Variants in LOC122539214 observed in about 807,000 individuals in gnomAD.
the LOC122539214 span, chr19:52,655,002 A>G: frequency 6.5e-6 from 1 of 152,770 alleles, no homozygotes; most frequent in African/African-American, 2.4e-5. Context: ...CCTGGCCAAC[A>G]TGGTGATTCC....
At chr19:52,679,669 T>A in the LOC122539214 span, among the ~76,000 whole-genome samples, 355 of 152,288 alleles carry the variant, frequency 2.3e-3, 1 homozygote, top group African/African-American at 8.0e-3. Flanking sequence ...GTCAGTGTGA[T>A]GCTTTCTATC....
the LOC122539214 span, chr19:52,655,584 T>G: frequency 2.7e-6 from 4 of 1,502,642 alleles, no homozygotes; most frequent in East Asian, 2.3e-5. Context: ...GTTCCTGTAG[T>G]TCTCCAACAT....
chr19:52,658,287 G>A, the LOC122539214 span, among the ~76,000 whole-genome samples: 11 of 152,148 alleles, frequency 7.2e-5, no homozygotes, highest in South Asian at 2.1e-3. Flanking sequence ...GCTCATGCCT[G>A]TAATTTCAGC....
the LOC122539214 span, chr19:52,652,301 T>G: frequency 4.1e-6 from 1 of 242,960 alleles, no homozygotes; most frequent in South Asian, 4.6e-5. Context: ...CCAGGCTTGG[T>G]GGAGCATGCT....
chr19:52,652,030 C>A, the LOC122539214 span: 1 of 211,938 alleles, frequency 4.7e-6, no homozygotes, highest in South Asian at 8.4e-5. Flanking sequence ...AATGAATTTT[C>A]TACTGTTCTG....
At chr19:52,656,269 C>T in the LOC122539214 span, among the ~76,000 whole-genome samples, 1 of 151,876 alleles carries the variant, frequency 6.6e-6, no homozygotes, top group East Asian at 1.9e-4. Context: ...CACCTATAAT[C>T]CTGTCACTTT....
the LOC122539214 span, among the ~76,000 whole-genome samples, chr19:52,657,730 TCA>T: frequency 2.0e-5 from 3 of 151,462 alleles, no homozygotes; most frequent in African/African-American, 4.9e-5. Context: ...GCTTGTAATC[TCA>T]GTTACTTAGG....
chr19:52,687,573 AAATT>A, the LOC122539214 span, among the ~76,000 whole-genome samples: 13 of 36,004 alleles, frequency 3.6e-4, no homozygotes, highest in African/African-American at 1.4e-3. Context: ...ATATATATAT[AAATT>A]TTATATATAT....
the LOC122539214 span, among the ~76,000 whole-genome samples, chr19:52,666,391 C>T: frequency 6.6e-6 from 1 of 151,844 alleles, no homozygotes; most frequent in South Asian, 2.1e-4. Flanking sequence ...TATAACACTC[C>T]AATACCACCC....
chr19:52,652,295 G>A, the LOC122539214 span: 1 of 242,736 alleles, frequency 4.1e-6, no homozygotes, highest in Non-Finnish European at 8.1e-6. Flanking sequence ...AATTAGCCAG[G>A]CTTGGTGGAG....
the LOC122539214 span, among the ~76,000 whole-genome samples, chr19:52,661,528 C>T: frequency 0.28 from 42,999 of 152,102 alleles, 6,323 homozygotes; most frequent in Middle Eastern, 0.36. Flanking sequence ...GAATCACCAG[C>T]GCCATCGTAT....
At chr19:52,676,728 G>GT in the LOC122539214 span, among the ~76,000 whole-genome samples, 1 of 139,524 alleles carries the variant, frequency 7.2e-6, no homozygotes, top group Non-Finnish European at 1.6e-5. Context: ...GATGGTTGCC[G>GT]TGTCTGTGTA....
the LOC122539214 span, among the ~76,000 whole-genome samples, chr19:52,659,610 A>G: frequency 6.8e-6 from 1 of 147,154 alleles, no homozygotes. Context: ...CAAGACTCCA[A>G]CTCAAAAAAA....
chr19:52,656,142 G>T, the LOC122539214 span, among the ~76,000 whole-genome samples: 3 of 152,142 alleles, frequency 2.0e-5, no homozygotes. Context: ...GAGCTCCAGA[G>T]GCAAAGGTTG....
At chr19:52,660,113 T>G in the LOC122539214 span, among the ~76,000 whole-genome samples, 27 of 151,818 alleles carry the variant, frequency 1.8e-4, 2 homozygotes, top group Admixed American at 1.1e-3. Context: ...ATTGCGGTGG[T>G]AAGACCATGG....
the LOC122539214 span, among the ~76,000 whole-genome samples, chr19:52,674,750 T>C: frequency 7.2e-4 from 109 of 152,304 alleles, 1 homozygote; most frequent in East Asian, 0.021. Flanking sequence ...TGAACATTGA[T>C]CAAAATGATT....
At chr19:52,684,627 T>G in the LOC122539214 span, among the ~76,000 whole-genome samples, 1 of 149,288 alleles carries the variant, frequency 6.7e-6, no homozygotes, top group African/African-American at 2.5e-5. Context: ...CTGAGTAACG[T>G]GATAGAGACT....
At chr19:52,684,166 T>G in the LOC122539214 span, among the ~76,000 whole-genome samples, 9 of 151,932 alleles carry the variant, frequency 5.9e-5, no homozygotes, top group African/African-American at 2.2e-4. Context: ...GTCAGGAGTT[T>G]GAGACCAGCC....
chr19:52,659,337 GC>G, the LOC122539214 span, among the ~76,000 whole-genome samples: 2 of 152,090 alleles, frequency 1.3e-5, no homozygotes, highest in Non-Finnish European at 2.9e-5. Flanking sequence ...AGTCATTGGT[GC>G]CCACTCGAGG....
Sources: gnomAD v4.1 joint callset for allele counts (sites outside exome capture counted in the v4.1 genomes callset) on GRCh38, gnomAD v4.1.1 for gene constraint, MANE v1.5 for transcripts.